The following CDH18 variants were observed in gnomAD, a reference collection of about 807,000 sequenced individuals.
The protein encoded by CDH18 is cadherin 18.
A neutral mutation model predicts 67.9 loss-of-function variants in CDH18; 31 were observed. The observed-to-expected ratio is 0.46, with a 90% CI of 0.34 to 0.62. The LOEUF (loss-of-function observed/expected upper bound fraction) is 0.62. Ranked by LOEUF, CDH18 falls within the 20% of genes least tolerant of loss-of-function variation. CDH18 has a pLI of 0.01. For missense variants in CDH18, 890 were observed against 975.5 expected (o/e 0.91, Z 1.17); for synonymous variants, 362 against 347.2 (o/e 1.04, Z -0.48).
intron 2 of CDH18, among the ~76,000 whole-genome samples, chr5:20,201,704 C>T (rs1183707086): frequency 1.3e-5 from 2 of 151,976 alleles, no homozygotes; most frequent in African/African-American, 4.8e-5. Context: ...ATAATATAAT[C>T]TGTTAAGCAA....
At chr5:19,743,713 GAGTTCA>G (rs1391809339) in intron 4 of CDH18, among the ~76,000 whole-genome samples, 2 of 152,060 alleles carry the variant, frequency 1.3e-5, no homozygotes, top group Non-Finnish European at 2.9e-5. Flanking sequence ...TTGAGACCAA[GAGTTCA>G]AGACCAGCCT....
intron 2 of CDH18, among the ~76,000 whole-genome samples, chr5:20,040,286 T>TAA (rs1740307245): frequency 6.6e-6 from 1 of 151,846 alleles, no homozygotes; most frequent in Non-Finnish European, 1.5e-5. Flanking sequence ...AAGAATAATA[T>TAA]TAATAATAAA....
chr5:19,659,796 C>T (rs1756913385), intron 5 of CDH18, among the ~76,000 whole-genome samples: 1 of 152,070 alleles, frequency 6.6e-6, no homozygotes, highest in African/African-American at 2.4e-5. Flanking sequence ...ACTTCACCTG[C>T]TGCCACCTTG....
At chr5:20,185,419 C>T (rs1738018630) in intron 2 of CDH18, among the ~76,000 whole-genome samples, 1 of 152,160 alleles carries the variant, frequency 6.6e-6, no homozygotes, top group Non-Finnish European at 1.5e-5. Flanking sequence ...TTGTTCAATG[C>T]ACTCCGTTGC....
At chr5:19,534,872 C>T (rs191226467) in intron 9 of CDH18, among the ~76,000 whole-genome samples, 1 of 151,802 alleles carries the variant, frequency 6.6e-6, no homozygotes, top group Admixed American at 6.6e-5. Flanking sequence ...GGATAACTCA[C>T]TCTGAGTTGG....
chr5:19,566,937 T>C (rs1345829979), intron 8 of CDH18, among the ~76,000 whole-genome samples: 2 of 152,116 alleles, frequency 1.3e-5, no homozygotes, highest in Non-Finnish European at 2.9e-5. Flanking sequence ...GCAACATAGA[T>C]AGAACTGCAG....
At position 20,018,854 on chromosome 5, in the gene CDH18, G is replaced by T. The variant is rs1250682819; in HGVS notation, c.-517-26840C>A. Among the ~76,000 whole-genome samples, 4 of 142,188 alleles carry T rather than the reference G, an allele frequency of 2.8e-5. 1 individual carries two copies. Among genetic ancestry groups the T allele is most frequent in the Non-Finnish European group, 6.0e-5 (4 of 66,976 alleles). 93.3% of individuals were successfully genotyped at this position (142,188 alleles called of 152,430 possible). A position where few individuals can be genotyped will look rare whatever the true frequency, so the allele number is the denominator to read the frequency against. ...CTGTCGCCCAGGCTGGAGTGCAGTG[G>T]CGCGATCTCGACTCACTGCAAGCTC... On this transcript the variant is annotated intron_variant, in intron 2 of 14. Transcript: ENST00000507958.
At chr5:20,306,044 T>C (rs1736420631) in intron 1 of CDH18, among the ~76,000 whole-genome samples, 1 of 152,208 alleles carries the variant, frequency 6.6e-6, no homozygotes, top group African/African-American at 2.4e-5. Flanking sequence ...GTTAAATCGT[T>C]TGCTGAGTAA....
intron 1 of CDH18, among the ~76,000 whole-genome samples, chr5:20,286,709 G>C (rs753862990): frequency 9.2e-5 from 14 of 151,668 alleles, no homozygotes; most frequent in East Asian, 1.9e-4. Flanking sequence ...ATTCCAGAGA[G>C]AGAAGTGACT....
At chr5:20,509,557 C>T (rs755920179) in intron 1 of CDH18, among the ~76,000 whole-genome samples, 1 of 102,224 alleles carries the variant, frequency 9.8e-6, no homozygotes, top group Non-Finnish European at 2.2e-5. Flanking sequence ...ACTACAGGTG[C>T]GTGCCACCAC....
chr5:19,996,015 A>T (rs1735985362), intron 2 of CDH18, among the ~76,000 whole-genome samples: 1 of 152,168 alleles, frequency 6.6e-6, no homozygotes, highest in Non-Finnish European at 1.5e-5. Flanking sequence ...GTAAAGAGGC[A>T]AATGTTCAAA....
chr5:19,720,714 C>T (rs190080840), intron 5 of CDH18, among the ~76,000 whole-genome samples: 4 of 151,932 alleles, frequency 2.6e-5, no homozygotes, highest in Non-Finnish European at 4.4e-5. Context: ...TATGTTTTGG[C>T]CAGTAAAAAA....
At chr5:20,403,570 T>C (rs1032587069) in intron 1 of CDH18, among the ~76,000 whole-genome samples, 2 of 152,226 alleles carry the variant, frequency 1.3e-5, no homozygotes. Flanking sequence ...GTATTGTCAC[T>C]GAGAAGTAAT....
rs142671260 is a variant in CDH18 at position 19,999,938 on chromosome 5, C to T, written c.-517-7924G>A. Among the ~76,000 whole-genome samples the T allele has an allele frequency of 5.1e-3, 777 of 152,274 alleles. 5 individuals are homozygous for T. Among genetic ancestry groups the T allele is most frequent in the African/African-American group, 0.018 (738 of 41,554 alleles). Reference sequence around the variant, plus strand: ...TAATTCTCAAATTATGTATTAAGTTCCATCTCAAGTTCTTTCAGATTCATA... The same window carrying T: ...TAATTCTCAAATTATGTATTAAGTTTCATCTCAAGTTCTTTCAGATTCATA... On this transcript the variant is annotated intron_variant, in intron 2 of 14. Coordinates refer to the CDH18 transcript ENST00000507958.
Position 20,419,462 on chromosome 5 carries a change from G to GTTTTTTTTTTTTTTTTT in CDH18, c.-580+155983_-580+155999dup, listed in dbSNP as rs202130030. On this transcript the variant is annotated intron_variant, in intron 1 of 14. Transcript: ENST00000507958. The stretch of plus-strand genomic sequence containing the variant: ...CCAACCACCCAGGGTATGGGACTCT[G>GTTTTTTTTTTTTTTTTT]TTTTTTTTTTTTTTTTTTTTTTTTT... Among the ~76,000 whole-genome samples, 8 of 75,658 alleles carry GTTTTTTTTTTTTTTTTT rather than the reference G, an allele frequency of 1.1e-4. 1 individual carries two copies. The highest frequency in any genetic ancestry group is 4.2e-4 in the African/African-American group (7 of 16,472). 49.6% of individuals were successfully genotyped at this position (75,658 alleles called of 152,430 possible).
rs533707948 is a variant in CDH18 at position 20,491,524 on chromosome 5, T to C, written c.-580+83938A>G. 8.5e-5 allele frequency among the ~76,000 whole-genome samples: 13 copies of C among 152,286 alleles called. No individual in the cohort carries two copies. The South Asian group carries it at 2.5e-3, about 29-fold the overall frequency. Reference sequence around the variant, plus strand: ...AAAATCTGCCAGATGAGCTGGCAGGTGGAGACCAAGGAAAGAGCCAAAGTT... The same window carrying C: ...AAAATCTGCCAGATGAGCTGGCAGGCGGAGACCAAGGAAAGAGCCAAAGTT... On this transcript the variant is annotated intron_variant, in intron 1 of 14. Coordinates refer to the CDH18 transcript ENST00000507958.
At chr5:19,851,828 T>TAA (rs2149929430) in intron 2 of CDH18, among the ~76,000 whole-genome samples, 1 of 152,004 alleles carries the variant, frequency 6.6e-6, no homozygotes, top group African/African-American at 2.4e-5. Context: ...TCTCTTTTGG[T>TAA]TCAAAAGATT....
intron 3 of CDH18, among the ~76,000 whole-genome samples, chr5:19,832,128 G>A (rs1581551947): frequency 1.3e-5 from 2 of 152,130 alleles, no homozygotes. Flanking sequence ...AGGGGAGGAA[G>A]GGTTGAAAAA....
intron 3 of CDH18, among the ~76,000 whole-genome samples, chr5:19,750,984 G>A (rs1581188443): frequency 1.3e-5 from 2 of 152,222 alleles, no homozygotes; most frequent in South Asian, 2.1e-4. Flanking sequence ...GCTCTTTAGA[G>A]AACGGCAAAG....
Sources: gnomAD v4.1 joint callset for allele counts (sites outside exome capture counted in the v4.1 genomes callset) on GRCh38, gnomAD v4.1.1 for gene constraint, MANE v1.5 for transcripts, NCBI Gene and HGNC (gene_info 2026-07-23, HGNC 2026-07-21) for gene names.